The following MYL12B variants were observed in gnomAD, a reference collection of about 807,000 sequenced individuals.
MYL12B encodes myosin light chain 12B, also known as myosin regulatory light chain 12B.
MYL12B carries 3 observed loss-of-function variants against 12.9 expected under a neutral mutation model. The observed-to-expected ratio is 0.23, with a 90% CI of 0.11 to 0.60. The LOEUF (loss-of-function observed/expected upper bound fraction) is 0.60. Ranked by LOEUF, MYL12B falls within the 20% of genes least tolerant of loss-of-function variation. The pLI is 0.89. For synonymous variants in MYL12B, 57 were observed against 71.9 expected (o/e 0.79, Z 1.05); for missense variants, 120 against 215.4 (o/e 0.56, Z 2.77).
chr18:3,269,385 G>A (rs2081659448), intron 1 of MYL12B, among the ~76,000 whole-genome samples: 1 of 152,124 alleles, frequency 6.6e-6, no homozygotes, highest in African/African-American at 2.4e-5. Context: ...GATGACAGAG[G>A]AATGAGGAAG....
chr18:3,273,221 C>G, intron 2 of MYL12B, 139 bp downstream of exon 2: 1 of 971,260 alleles, frequency 1.0e-6, no homozygotes. Context: ...GTGGGAGGTG[C>G]TATTTTGGGG....
Position 3,277,815 on chromosome 18 carries a change from C to T in MYL12B, c.397C>T (p.Arg133Trp), listed in dbSNP as rs779389811. 2 of 1,613,596 alleles carry T rather than the reference C, an allele frequency of 1.2e-6. No homozygotes were observed. The highest frequency in any genetic ancestry group is 3.3e-5 in the Admixed American group (2 of 59,898). The change falls in exon 4 of 4, where the codon CGG becomes TGG. Residue 133 changes from arginine to tryptophan, a missense_variant. Coordinates refer to ENST00000237500, the MANE Select transcript of MYL12B (RefSeq NM_033546.4). ...AGAGCTGCTGACAACCATGGGGGAT[C>T]GGTTTACAGATGAGGAAGTGGATGA... Reference protein sequence around the residue: ...LRELLTTMGDRFTDEEVDELY... With the variant: ...LRELLTTMGDWFTDEEVDELY...
At chr18:3,266,792 C>T (rs2081638547) in intron 1 of MYL12B, among the ~76,000 whole-genome samples, 1 of 152,062 alleles carries the variant, frequency 6.6e-6, no homozygotes, top group Admixed American at 6.5e-5. Context: ...AAAGGTCATC[C>T]TGGGGATTAC....
intron 1 of MYL12B, chr18:3,262,502 G>T (rs1039832852): frequency 2.0e-5 from 3 of 152,304 alleles, no homozygotes; most frequent in African/African-American, 7.2e-5. Context: ...ATGGGGAGAC[G>T]CCCTGCTGGA....
chr18:3,267,300 C>G (rs779028154), intron 1 of MYL12B, among the ~76,000 whole-genome samples: 4 of 152,126 alleles, frequency 2.6e-5, no homozygotes, highest in Non-Finnish European at 4.4e-5. Flanking sequence ...AGGAAGAAGC[C>G]TCAAAACAAT....
intron 1 of MYL12B, among the ~76,000 whole-genome samples, chr18:3,271,405 C>T (rs548949313): frequency 3.3e-5 from 5 of 152,180 alleles, no homozygotes; most frequent in African/African-American, 1.2e-4. Context: ...GTGGGATGTT[C>T]TTTAGCTTGA....
intron 1 of MYL12B, among the ~76,000 whole-genome samples, chr18:3,265,068 T>C (rs1171084523): frequency 6.6e-6 from 1 of 152,190 alleles, no homozygotes; most frequent in Non-Finnish European, 1.5e-5. Context: ...ATAATGTGTA[T>C]GTGGTAAGTG....
intron 1 of MYL12B, chr18:3,263,007 A>G (rs1388380258): frequency 6.6e-6 from 1 of 152,260 alleles, no homozygotes; most frequent in African/African-American, 2.4e-5. Flanking sequence ...GTTTCCGGCT[A>G]GATGTGTGGG....
At position 3,278,135 on chromosome 18, in the gene MYL12B, T is replaced by C. The variant is rs1452419674; in HGVS notation, c.*198T>C. 3 of 487,354 alleles carry C rather than the reference T, an allele frequency of 6.2e-6. No homozygotes were observed. The East Asian group carries it at 1.1e-4, about 18-fold the overall frequency. 30.2% of individuals were successfully genotyped at this position (487,354 alleles called of 1,614,324 possible). A position where few individuals can be genotyped will look rare whatever the true frequency, so the allele number is the denominator to read the frequency against. On this transcript the variant is annotated 3_prime_UTR_variant, in exon 4 of 4. Coordinates refer to ENST00000237500, the MANE Select transcript of MYL12B (RefSeq NM_033546.4). The stretch of plus-strand genomic sequence containing the variant: ...CTGGAAATGGGGATGAGGGTGTAAA[T>C]TGTATTGAAAAAGATCGCGAATAAA...
At chr18:3,262,737 G>T (rs1349186921) in intron 1 of MYL12B, 3 of 152,432 alleles carry the variant, frequency 2.0e-5, no homozygotes, top group Non-Finnish European at 4.4e-5. Flanking sequence ...GGAGCCTCCT[G>T]TTGCACGGTC....
At chr18:3,269,170 A>G (rs2081657500) in intron 1 of MYL12B, among the ~76,000 whole-genome samples, 1 of 152,120 alleles carries the variant, frequency 6.6e-6, no homozygotes, top group Non-Finnish European at 1.5e-5. Context: ...CTCATGCACC[A>G]TGTTTAGGAA....
intron 2 of MYL12B, among the ~76,000 whole-genome samples, chr18:3,273,608 G>A (rs1440180651): frequency 6.6e-6 from 1 of 152,062 alleles, no homozygotes; most frequent in Non-Finnish European, 1.5e-5. Flanking sequence ...TTGGTATATG[G>A]GTGTTAATAT....
intron 2 of MYL12B, among the ~76,000 whole-genome samples, chr18:3,275,663 T>C (rs918588915): frequency 2.6e-5 from 4 of 152,204 alleles, no homozygotes; most frequent in Non-Finnish European, 5.9e-5. Flanking sequence ...ACAGATTACA[T>C]TGGATGTCTT....
chr18:3,273,013 A>C lies in MYL12B; in HGVS notation c.115A>C (p.Asn39His). Residue 39 changes from asparagine (N) to histidine (H), a missense_variant, in exon 2 of 4, where the codon AAC (asparagine) becomes CAC (histidine). Transcript: ENST00000237500. ...SQIQEFKEAF[N>H]MIDQNRDGFI... ...GATTCAGGAGTTCAAAGAGGCCTTC[A>C]ACATGATTGATCAGAACAGAGATGG... 1 of 1,613,658 alleles carries C rather than the reference A, an allele frequency of 6.2e-7. No homozygotes were observed. Among genetic ancestry groups the C allele is most frequent in the South Asian group, 1.1e-5 (1 of 91,022 alleles).
intron 2 of MYL12B, among the ~76,000 whole-genome samples, chr18:3,275,231 A>G (rs1471726683): frequency 1.3e-5 from 2 of 152,206 alleles, no homozygotes; most frequent in Non-Finnish European, 2.9e-5. Flanking sequence ...CAAACTTCAC[A>G]TGTTCTCACA....
At chr18:3,272,219 A>AT in intron 1 of MYL12B, 1 of 948,338 alleles carries the variant, frequency 1.1e-6, no homozygotes, top group Non-Finnish European at 1.3e-6. Flanking sequence ...AGTTCTTTGC[A>AT]TTGAAGTAGA....
chr18:3,262,533 G>T (rs1352982208), intron 1 of MYL12B: 2 of 152,272 alleles, frequency 1.3e-5, no homozygotes, highest in Non-Finnish European at 2.9e-5. Flanking sequence ...GGTCCCGGCC[G>T]TGCGTGGGCC....
rs186852806 is a variant in MYL12B at position 3,268,133 on chromosome 18, T to C, written c.-15-4751T>C. Reference sequence around the variant, plus strand: ...CCCTGGTTTCAGGCATCCACTGGGGTCTTGGAATATATCCCCCTCAGATAA... The same window carrying C: ...CCCTGGTTTCAGGCATCCACTGGGGCCTTGGAATATATCCCCCTCAGATAA... On this transcript the variant is annotated intron_variant, in intron 1 of 3. Coordinates refer to ENST00000237500, the MANE Select transcript of MYL12B (RefSeq NM_033546.4). 2.0e-5 allele frequency among the ~76,000 whole-genome samples: 3 copies of C among 152,298 alleles called. No individual in the cohort carries two copies. The East Asian group carries it at 5.8e-4, about 29-fold the overall frequency.
chr18:3,264,250 A>G (rs1357061970), intron 1 of MYL12B, among the ~76,000 whole-genome samples: 1 of 152,218 alleles, frequency 6.6e-6, no homozygotes, highest in Non-Finnish European at 1.5e-5. Flanking sequence ...GACAGGAAAG[A>G]ACTATATATG....
Sources: gnomAD v4.1 joint callset for allele counts (sites outside exome capture counted in the v4.1 genomes callset) on GRCh38, gnomAD v4.1.1 for gene constraint, MANE v1.5 for transcripts, NCBI Gene and HGNC (gene_info 2026-07-23, HGNC 2026-07-21) for gene names.